Variants in C5orf24 observed in about 807,000 individuals in gnomAD.
C5orf24 encodes the protein UPF0461 protein C5orf24.
A neutral mutation model predicts 9.8 loss-of-function variants in C5orf24; 4 were observed. The ratio of observed to expected loss-of-function variants is 0.41; its 90% CI spans 0.20 to 0.93. C5orf24 has a LOEUF of 0.93. Among genes scored for constraint, C5orf24 ranks in the 40% least tolerant of loss-of-function variants. The pLI is 0.33. For missense variants in C5orf24, 170 were observed against 236.9 expected, an observed-to-expected ratio of 0.72 and a Z score of 1.85; for synonymous variants, 73 against 81.3, an observed-to-expected ratio of 0.90 and a Z score of 0.55.
chr5:134,836,532 ATTGTTT>A, the C5orf24 span, among the ~76,000 whole-genome samples: 3 of 150,622 alleles, frequency 2.0e-5, no homozygotes, highest in East Asian at 2.0e-4. Context: ...GTGTAAGGTT[ATTGTTT>A]TTGTTTTTGT....
At chr5:134,852,067 A>T (rs940577235) in intron 1 of C5orf24, among the ~76,000 whole-genome samples, 1 of 152,178 alleles carries the variant, frequency 6.6e-6, no homozygotes, top group Non-Finnish European at 1.5e-5. Flanking sequence ...CAGCCTCCTG[A>T]GTAGCTGGGA....
At chr5:134,833,667 G>C in the C5orf24 span, 1 of 152,126 alleles carries the variant, frequency 6.6e-6, no homozygotes, top group Non-Finnish European at 1.5e-5. Context: ...ATATTTGAAG[G>C]CCTTCTAAAA....
chr5:134,843,179 G>A (rs1276263647), upstream of C5orf24, among the ~76,000 whole-genome samples: 1 of 152,030 alleles, frequency 6.6e-6, no homozygotes, highest in African/African-American at 2.4e-5. Flanking sequence ...GTTTCGTCAT[G>A]TTGGCCAGGC....
rs1756378485 is a variant in C5orf24 at position 134,858,919 on chromosome 5, A to G, written c.*3452A>G. ...TATATTTTTTATTTACTTTTTAAAG[A>G]AACATCTGTCAAAGTAATATTGATT... On this transcript the variant is annotated 3_prime_UTR_variant, in exon 2 of 2. Transcript: ENST00000394976. The G allele has an allele frequency of 6.0e-6, 1 of 166,896 alleles. No individual in the cohort carries two copies. Among genetic ancestry groups the G allele is most frequent in the African/African-American group, 2.4e-5 (1 of 41,436 alleles). 10.3% of individuals were successfully genotyped at this position (166,896 alleles called of 1,614,324 possible). A position where few individuals can be genotyped will look rare whatever the true frequency, so the allele number is the denominator to read the frequency against.
chr5:134,845,855 C>T (rs995822054), upstream of C5orf24: 3 of 152,356 alleles, frequency 2.0e-5, no homozygotes, highest in African/African-American at 7.2e-5. Flanking sequence ...CGCAGCCTGC[C>T]AGCCTGGCTC....
rs1482719694 is a variant in C5orf24 at position 134,855,412 on chromosome 5, G to A, written c.512G>A (p.Arg171Lys). 7 of 1,614,210 alleles carry A rather than the reference G, an allele frequency of 4.3e-6. No homozygotes were observed. The South Asian group carries it at 6.6e-5, about 15-fold the overall frequency. The stretch of plus-strand genomic sequence containing the variant: ...TTTCCTTACCCTATGATGCATGGCA[G>A]AGCAGTTCATGGGGTAGAGGAAACT... ...AAFPYPMMHG[R>K]AVHGVEETSS... Residue 171 changes from arginine to lysine, a missense_variant, in exon 2 of 2, where the codon AGA (arginine) becomes AAA (lysine). Arg to Lys is a conservative substitution (Grantham distance 26, BLOSUM62 2). This residue lies in a region of C5orf24 where 56 missense variants were observed against 60.3 expected (regional missense o/e 0.93). Transcript: ENST00000394976.
the C5orf24 span, among the ~76,000 whole-genome samples, chr5:134,839,237 A>G: frequency 7.3e-5 from 11 of 151,658 alleles, no homozygotes; most frequent in Non-Finnish European, 1.5e-4. Flanking sequence ...TTAATTTTCT[A>G]AAAACATCAG....
chr5:134,852,762 C>T (rs1271793140), intron 1 of C5orf24, among the ~76,000 whole-genome samples: 1 of 152,214 alleles, frequency 6.6e-6, no homozygotes, highest in African/African-American at 2.4e-5. Flanking sequence ...TCCAGCCAGG[C>T]ACGGTGGCTC....
the C5orf24 span, chr5:134,833,609 C>T: frequency 1.3e-5 from 2 of 152,168 alleles, no homozygotes; most frequent in African/African-American, 2.4e-5. Flanking sequence ...AAGACAGCTA[C>T]GTTTCCCTTA....
chr5:134,838,535 T>C, the C5orf24 span, among the ~76,000 whole-genome samples: 1 of 152,110 alleles, frequency 6.6e-6, no homozygotes, highest in Admixed American at 6.6e-5. Flanking sequence ...CCAGGCATGT[T>C]GGCAGGCACC....
At chr5:134,835,066 C>T in the C5orf24 span, among the ~76,000 whole-genome samples, 211 of 150,434 alleles carry the variant, frequency 1.4e-3, no homozygotes, top group African/African-American at 4.7e-3. Context: ...AATTAGCCGG[C>T]GTGGTGGTGT....
upstream of C5orf24, among the ~76,000 whole-genome samples, chr5:134,840,788 G>T (rs184043858): frequency 1.3e-3 from 203 of 151,678 alleles, 1 homozygote; most frequent in African/African-American, 4.7e-3. Context: ...CTCCTGTTTC[G>T]GCCTCCCAAA....
chr5:134,834,413 T>C, the C5orf24 span, among the ~76,000 whole-genome samples: 1 of 152,138 alleles, frequency 6.6e-6, no homozygotes, highest in South Asian at 2.1e-4. Flanking sequence ...ATCTTTTCTC[T>C]GTGCCTTTGC....
At chr5:134,848,269 C>A (rs186808228) in intron 1 of C5orf24, among the ~76,000 whole-genome samples, 1 of 152,024 alleles carries the variant, frequency 6.6e-6, no homozygotes, top group Non-Finnish European at 1.5e-5. Context: ...CAAGATCGGG[C>A]CACTGTTCTC....
intron 1 of C5orf24, among the ~76,000 whole-genome samples, chr5:134,850,338 G>T (rs536053951): frequency 6.6e-6 from 1 of 151,548 alleles, no homozygotes; most frequent in East Asian, 2.0e-4. Context: ...GTAGAGATGG[G>T]GTTTCTCCAT....
At chr5:134,847,988 C>CTGGGATTA (rs1756043158) in intron 1 of C5orf24, among the ~76,000 whole-genome samples, 1 of 152,210 alleles carries the variant, frequency 6.6e-6, no homozygotes, top group African/African-American at 2.4e-5. Context: ...CAGGCCTGAG[C>CTGGGATTA]CACCGCGCCG....
intron 1 of C5orf24, among the ~76,000 whole-genome samples, chr5:134,847,705 ATTTTT>A (rs57323019): frequency 7.4e-6 from 1 of 134,958 alleles, no homozygotes; most frequent in Non-Finnish European, 1.6e-5. Context: ...TATTCATCCT[ATTTTT>A]TTTTTTTTTT....
chr5:134,847,365 G>A (rs998135665), intron 1 of C5orf24, among the ~76,000 whole-genome samples: 2 of 152,144 alleles, frequency 1.3e-5, no homozygotes, highest in African/African-American at 2.4e-5. Context: ...GCGCGATCGC[G>A]GCTCACTGCA....
In C5orf24 at chr5:134,854,820, GT is replaced by G. The variant is rs1172413187; in HGVS notation, c.-3-74del. Reference sequence around the variant, plus strand: ...CTGCATAGTTGTTGGAAGACAGACTGTTTTCTCACTGAATGCTGCATACAGG... The same window carrying G: ...CTGCATAGTTGTTGGAAGACAGACTGTTTCTCACTGAATGCTGCATACAGG... On this transcript the variant is annotated intron_variant, in intron 1 of 1. Transcript: ENST00000394976. The G allele has an allele frequency of 1.2e-5, 18 of 1,494,848 alleles. No homozygotes were observed. In the Admixed American group the frequency reaches 2.4e-4, roughly 20 times the overall value. The allele number at this position is 1,494,848 out of a possible 1,614,324, so 92.6% of individuals were successfully genotyped here.
Sources: allele counts gnomAD v4.1 joint callset (sites outside exome capture counted in the v4.1 genomes callset), GRCh38; gene constraint gnomAD v4.1.1; regional missense constraint gnomAD v4.1.1; transcripts MANE v1.5; gene names NCBI Gene and HGNC (gene_info 2026-07-23, HGNC 2026-07-21).